The following ESRRG variants were observed in gnomAD, a reference collection of about 807,000 sequenced individuals.
ESRRG encodes estrogen-related receptor gamma.
Under a neutral mutation model 44.0 loss-of-function variants are expected in ESRRG, and 13 were observed. The observed-to-expected ratio is 0.30, with a 90% CI of 0.19 to 0.47. ESRRG has a LOEUF of 0.47. ESRRG is among the 20% of genes least tolerant of loss of function. ESRRG has a pLI of 1.00. For missense variants in ESRRG, 395 were observed against 580.6 expected (o/e 0.68, Z 3.29); for synonymous variants, 215 against 214.6 (o/e 1.00, Z -0.02).
At chr1:216,864,272 G>A (rs891562336) in intron 2 of ESRRG, 1 of 148,796 alleles carries the variant, frequency 6.7e-6, no homozygotes, top group Non-Finnish European at 1.5e-5. Context: ...GTTATGGTCT[G>A]CTTTTATAGC....
chr1:216,797,035 G>C (rs1176173701), intron 2 of ESRRG, among the ~76,000 whole-genome samples: 1 of 151,938 alleles, frequency 6.6e-6, no homozygotes, highest in Non-Finnish European at 1.5e-5. Flanking sequence ...GGGATTACAG[G>C]CGTGTGCTGT....
At chr1:216,593,484 A>G (rs1166217486) in intron 3 of ESRRG, among the ~76,000 whole-genome samples, 1 of 152,232 alleles carries the variant, frequency 6.6e-6, no homozygotes, top group South Asian at 2.1e-4. Context: ...ATCTAGGACA[A>G]CTAGGCTAAC....
At chr1:216,771,948 A>G (rs906870124) in intron 2 of ESRRG, among the ~76,000 whole-genome samples, 1 of 151,224 alleles carries the variant, frequency 6.6e-6, no homozygotes, top group Non-Finnish European at 1.5e-5. Flanking sequence ...CTAGCTGTCT[A>G]TGACCTGAGG....
chr1:216,707,593 CT>C (rs1559338439), intron 1 of ESRRG: 2 of 1,122,124 alleles, frequency 1.8e-6, no homozygotes, highest in Non-Finnish European at 2.4e-6. Context: ...AGACTGACTC[CT>C]TTTTACATTG....
chr1:216,978,072 C>A (rs540807700), intron 1 of ESRRG, among the ~76,000 whole-genome samples: 1 of 151,894 alleles, frequency 6.6e-6, no homozygotes, highest in Non-Finnish European at 1.5e-5. Flanking sequence ...ATTATCTAGT[C>A]GGCTGTATTA....
intron 1 of ESRRG, among the ~76,000 whole-genome samples, chr1:216,717,888 T>C (rs2085260484): frequency 6.6e-6 from 1 of 151,898 alleles, no homozygotes; most frequent in African/African-American, 2.4e-5. Flanking sequence ...AAGATGTATT[T>C]GTCAGGCCCA....
chr1:216,664,422 A>G, intron 2 of ESRRG, among the ~76,000 whole-genome samples: 1 of 150,842 alleles, frequency 6.6e-6, no homozygotes, highest in Non-Finnish European at 1.5e-5. Context: ...AAAATCAAAT[A>G]TATTCATTAT....
At chr1:217,055,364 T>C (rs1165938483) in intron 1 of ESRRG, among the ~76,000 whole-genome samples, 1 of 152,166 alleles carries the variant, frequency 6.6e-6, no homozygotes, top group African/African-American at 2.4e-5. Flanking sequence ...GGTGGCTGGC[T>C]GTACAGGAGA....
At chr1:216,769,467 A>G (rs2152386305) in intron 2 of ESRRG, among the ~76,000 whole-genome samples, 1 of 152,258 alleles carries the variant, frequency 6.6e-6, no homozygotes, top group East Asian at 1.9e-4. Context: ...ATTTAAGGTC[A>G]TCAAAGGCCT....
At chr1:217,034,692 G>T (rs1162336411) in intron 1 of ESRRG, among the ~76,000 whole-genome samples, 2 of 152,160 alleles carry the variant, frequency 1.3e-5, no homozygotes, top group Admixed American at 6.5e-5. Flanking sequence ...CCCAAAGCAT[G>T]GGAGCAGGTA....
At chr1:217,101,681 A>T (rs773996592) in intron 1 of ESRRG, among the ~76,000 whole-genome samples, 12 of 152,084 alleles carry the variant, frequency 7.9e-5, no homozygotes, top group Non-Finnish European at 1.6e-4. Flanking sequence ...CAGCAAACAC[A>T]CACACCCACA....
chr1:216,839,637 T>C (rs903626678), intron 2 of ESRRG, among the ~76,000 whole-genome samples: 9 of 152,310 alleles, frequency 5.9e-5, no homozygotes, highest in East Asian at 1.9e-4. Context: ...ATGTTGTGTA[T>C]ATGAATGAAA....
chr1:217,095,505 G>A (rs910220777), intron 1 of ESRRG, among the ~76,000 whole-genome samples: 1 of 152,186 alleles, frequency 6.6e-6, no homozygotes, highest in African/African-American at 2.4e-5. Context: ...GCAAAGAATG[G>A]GGGACTGAGG....
At chr1:216,623,656 A>G (rs1270353273) in intron 3 of ESRRG, among the ~76,000 whole-genome samples, 3 of 152,198 alleles carry the variant, frequency 2.0e-5, no homozygotes, top group Non-Finnish European at 4.4e-5. Flanking sequence ...TAACTAGACC[A>G]TGTAGCACTG....
intron 1 of ESRRG, among the ~76,000 whole-genome samples, chr1:217,124,912 C>G (rs2092869078): frequency 6.6e-6 from 1 of 152,174 alleles, no homozygotes; most frequent in South Asian, 2.1e-4. Context: ...CCTTCTCATG[C>G]TGCCCTTCTC....
chr1:217,060,553 G>A (rs1195993261), intron 1 of ESRRG, among the ~76,000 whole-genome samples: 1 of 152,064 alleles, frequency 6.6e-6, no homozygotes, highest in Non-Finnish European at 1.5e-5. Context: ...TATACAAGTA[G>A]TGTCAGGCAG....
chr1:216,785,016 C>T (rs1376191324), intron 2 of ESRRG, among the ~76,000 whole-genome samples: 5 of 151,284 alleles, frequency 3.3e-5, no homozygotes, highest in African/African-American at 1.2e-4. Context: ...GAGCTGATGT[C>T]CAAACATTTG....
chr1:216,535,785 C>G (rs906209264), intron 5 of ESRRG, among the ~76,000 whole-genome samples: 5 of 152,084 alleles, frequency 3.3e-5, no homozygotes, highest in Non-Finnish European at 7.4e-5. Flanking sequence ...TCCCCAATAG[C>G]TAGCTCTCTG....
At chr1:216,596,467 C>G (rs151230440) in intron 3 of ESRRG, among the ~76,000 whole-genome samples, 1 of 152,150 alleles carries the variant, frequency 6.6e-6, no homozygotes, top group Non-Finnish European at 1.5e-5. Flanking sequence ...GAAGTTAAAG[C>G]GGAGCCATTA....
Sources: gnomAD v4.1 joint callset for allele counts (sites outside exome capture counted in the v4.1 genomes callset) on GRCh38, gnomAD v4.1.1 for gene constraint, MANE v1.5 for transcripts, NCBI Gene and HGNC (gene_info 2026-07-23, HGNC 2026-07-21) for gene names.